The following DCP1B variants were observed in gnomAD, a reference collection of about 807,000 sequenced individuals.
DCP1B encodes the protein decapping mRNA 1B, also known as mRNA-decapping enzyme 1B.
In DCP1B, 47 loss-of-function variants were observed where a neutral mutation model predicts 60.5. That is an observed-to-expected ratio of 0.78 (90% CI 0.61 to 0.99). The LOEUF (loss-of-function observed/expected upper bound fraction) is 0.99, where lower values mean the gene tolerates loss of function less well. Ranked by LOEUF, DCP1B falls within the 50% of genes least tolerant of loss-of-function variation. DCP1B has a pLI of 0.00. For missense variants in DCP1B, 725 were observed against 756.8 expected (o/e 0.96, Z 0.49); for synonymous variants, 267 against 280.3 (o/e 0.95, Z 0.47).
intron 7 of DCP1B, among the ~76,000 whole-genome samples, chr12:1,952,067 G>A (rs147237557): frequency 2.6e-5 from 4 of 152,348 alleles, no homozygotes; most frequent in African/African-American, 4.8e-5. Context: ...CAAGATGCAC[G>A]GAGGTGCACC....
chr12:1,993,063 T>C, intron 3 of DCP1B: 1 of 743,090 alleles, frequency 1.3e-6, no homozygotes, highest in South Asian at 1.5e-5. Flanking sequence ...TCATCATATT[T>C]ATATTCACTT....
intron 3 of DCP1B, among the ~76,000 whole-genome samples, chr12:1,981,744 G>A (rs2036198287): frequency 6.6e-6 from 1 of 152,176 alleles, no homozygotes; most frequent in African/African-American, 2.4e-5. Flanking sequence ...ATGCTGCAGT[G>A]AGACATCACA....
intron 1 of DCP1B, among the ~76,000 whole-genome samples, chr12:2,000,709 G>A (rs563522797): frequency 5.3e-5 from 8 of 152,156 alleles, no homozygotes; most frequent in Middle Eastern, 3.2e-3. Flanking sequence ...GGGCTAATTA[G>A]TTTATTATTA....
chr12:1,971,428 CAGGCAATGCAATACT>C lies in DCP1B; in HGVS notation c.320-3533_320-3519del, dbSNP rs1467177392. ...TGAAAAAAAGTGATGTTTGAGGCAA[CAGGCAATGCAATACT>C]GCCTTTACATAATGAAACACCAATC... On this transcript the variant is annotated intron_variant, in intron 3 of 8. Transcript: ENST00000280665. This position sits in a 1 kb window ranked among gnomAD's most constrained non-coding sequence, Gnocchi z 4.2. Among the ~76,000 whole-genome samples the C allele has an allele frequency of 6.6e-6, 1 of 152,166 alleles. No homozygotes were observed. The highest frequency in any genetic ancestry group is 1.5e-5 in the Non-Finnish European group (1 of 68,026).
chr12:1,957,774 CAA>C (rs1045369757), intron 5 of DCP1B, among the ~76,000 whole-genome samples: 4 of 152,218 alleles, frequency 2.6e-5, no homozygotes, highest in African/African-American at 9.6e-5. Context: ...AGTTATTTCT[CAA>C]AAGAGAATGC....
chr12:1,946,715 T>C (rs2030437825), intron 8 of DCP1B, among the ~76,000 whole-genome samples: 1 of 152,168 alleles, frequency 6.6e-6, no homozygotes, highest in African/African-American at 2.4e-5. Context: ...TTTTTGGGTT[T>C]TTGAGACTGG....
intron 3 of DCP1B, among the ~76,000 whole-genome samples, chr12:1,986,736 G>T (rs760157458): frequency 1.3e-5 from 2 of 152,040 alleles, no homozygotes; most frequent in Non-Finnish European, 2.9e-5. Context: ...AAAGAGGAAA[G>T]AATAAAGCCA....
At position 1,981,139 on chromosome 12, in the gene DCP1B, T is replaced by C. The variant is rs74059685; in HGVS notation, c.319+12125A>G. Among the ~76,000 whole-genome samples the C allele has an allele frequency of 1.6e-3, 250 of 152,296 alleles. 1 individual carries two copies. The highest frequency in any genetic ancestry group is 5.8e-3 in the African/African-American group (243 of 41,570). On this transcript the variant is annotated intron_variant, in intron 3 of 8. Coordinates refer to ENST00000280665, the MANE Select transcript of DCP1B (RefSeq NM_152640.5). ...ACAACTCACAATCACCTCTAGGAAC[T>C]TGTAGGTAAATGTTACCACTACACA...
chr12:1,994,966 C>G (rs1403893776), intron 2 of DCP1B, among the ~76,000 whole-genome samples: 1 of 142,448 alleles, frequency 7.0e-6, no homozygotes, highest in Non-Finnish European at 1.5e-5. Context: ...TGAAGAAAGC[C>G]TTCAACATTC....
At chr12:1,976,148 T>G (rs1461540911) in intron 3 of DCP1B, among the ~76,000 whole-genome samples, 1 of 152,212 alleles carries the variant, frequency 6.6e-6, no homozygotes, top group Non-Finnish European at 1.5e-5. Flanking sequence ...AGTGGAGTAC[T>G]GACAGAGAAC....
intron 3 of DCP1B, among the ~76,000 whole-genome samples, chr12:1,968,739 T>C (rs958166138): frequency 1.3e-5 from 2 of 152,310 alleles, no homozygotes; most frequent in African/African-American, 4.8e-5. Flanking sequence ...GAGAGGCCAC[T>C]GGAAAAAATA....
chr12:1,986,881 G>A (rs1157228126), intron 3 of DCP1B, among the ~76,000 whole-genome samples: 1 of 152,208 alleles, frequency 6.6e-6, no homozygotes, highest in Non-Finnish European at 1.5e-5. Context: ...AACAGTGGGA[G>A]AGATATACTG....
chr12:1,975,093 A>G (rs937006460), intron 3 of DCP1B, among the ~76,000 whole-genome samples: 1 of 152,182 alleles, frequency 6.6e-6, no homozygotes, highest in African/African-American at 2.4e-5. Context: ...AAAGGAGCCT[A>G]GTGCTACTTC....
chr12:1,979,108 G>A (rs1010262707), intron 3 of DCP1B, among the ~76,000 whole-genome samples: 12 of 151,688 alleles, frequency 7.9e-5, no homozygotes, highest in African/African-American at 2.7e-4. Flanking sequence ...CGCCTCCCGC[G>A]TTCAAGAAAT....
intron 2 of DCP1B, 128 bp from the exon 3 acceptor site, chr12:1,993,519 T>C: frequency 8.8e-7 from 1 of 1,140,640 alleles, no homozygotes; most frequent in Non-Finnish European, 1.2e-6. Context: ...ATAAGCAGCC[T>C]GTACACGTAC....
intron 5 of DCP1B, among the ~76,000 whole-genome samples, chr12:1,957,442 TTGG>T (rs1469650871): frequency 6.6e-6 from 1 of 152,222 alleles, no homozygotes; most frequent in Non-Finnish European, 1.5e-5. Context: ...TATAGGATTA[TTGG>T]TGATTTTTCT....
rs557531289 is a variant in DCP1B, at chr12:1,973,649, A to G, written c.320-5739T>C. ...TACCCTCAGGTTTACCAAAGGTCAT[A>G]TGGAATCTTTTTCATCGTATACTAA... On this transcript the variant is annotated intron_variant, in intron 3 of 8. Transcript: ENST00000280665. Among the ~76,000 whole-genome samples the G allele has an allele frequency of 5.3e-5, 8 of 152,314 alleles. No homozygotes were observed. The South Asian group carries it at 1.5e-3, about 28-fold the overall frequency.
intron 3 of DCP1B, among the ~76,000 whole-genome samples, chr12:1,986,750 A>T (rs1447242927): frequency 6.6e-6 from 1 of 152,030 alleles, no homozygotes; most frequent in East Asian, 1.9e-4. Context: ...AAAGCCAGGA[A>T]CTCACCACCA....
chr12:1,958,630 G>A (rs1428918262), intron 5 of DCP1B, among the ~76,000 whole-genome samples: 934 of 98,942 alleles, frequency 9.4e-3, no homozygotes, highest in Middle Eastern at 0.025. Flanking sequence ...CCTGGAAGGA[G>A]ACAGGGGAAA....
Sources: allele counts gnomAD v4.1 joint callset (sites outside exome capture counted in the v4.1 genomes callset), GRCh38; gene constraint gnomAD v4.1.1; non-coding constraint Gnocchi (gnomAD v3.1); transcripts MANE v1.5; gene names NCBI Gene and HGNC (gene_info 2026-07-23, HGNC 2026-07-21).